Variants in RUNX1T1 observed in about 807,000 individuals in gnomAD.
The protein encoded by RUNX1T1 is protein CBFA2T1.
In RUNX1T1, 4 loss-of-function variants were observed where a neutral mutation model predicts 62.8. That is an observed-to-expected ratio of 0.06 (90% CI 0.03 to 0.15). The LOEUF (loss-of-function observed/expected upper bound fraction) is 0.15. Among genes scored for constraint, RUNX1T1 ranks in the 10% least tolerant of loss-of-function variants. The pLI is 1.00. For missense variants in RUNX1T1, 508 were observed against 754.3 expected (o/e 0.67, Z 3.82); for synonymous variants, 291 against 286.0 (o/e 1.02, Z -0.18).
intron 1 of RUNX1T1, among the ~76,000 whole-genome samples, chr8:92,028,757 C>T (rs934688694): frequency 1.3e-5 from 2 of 152,174 alleles, no homozygotes; most frequent in African/African-American, 4.8e-5. Flanking sequence ...AGTCACTCCT[C>T]CTTGTCCAAA....
At chr8:92,063,349 A>G (rs1832375041), upstream of RUNX1T1, among the ~76,000 whole-genome samples, 1 of 152,172 alleles carries the variant, frequency 6.6e-6, no homozygotes, top group Non-Finnish European at 1.5e-5. Flanking sequence ...GATATGCTCC[A>G]AACATTTTCA....
At chr8:91,994,759 CTTA>C (rs937232719) in intron 5 of RUNX1T1, 74 of 323,774 alleles carry the variant, frequency 2.3e-4, no homozygotes, top group Admixed American at 9.3e-4. Flanking sequence ...GAACCCACTT[CTTA>C]TTATTTGTTT....
chr8:92,041,160 A>C (rs1828369985), intron 1 of RUNX1T1, among the ~76,000 whole-genome samples: 1 of 152,236 alleles, frequency 6.6e-6, no homozygotes. Context: ...TCAGGTGAAA[A>C]AACTGAGCTT....
At chr8:91,976,574 CAG>C (rs1563647722) in intron 8 of RUNX1T1, among the ~76,000 whole-genome samples, 1 of 152,176 alleles carries the variant, frequency 6.6e-6, no homozygotes, top group African/African-American at 2.4e-5. Context: ...TTCTGTTGAG[CAG>C]AGAGAATTAG....
At chr8:91,992,050 CTG>C (rs1454437557) in intron 5 of RUNX1T1, among the ~76,000 whole-genome samples, 161 bp from the exon 7 acceptor site, 1 of 152,176 alleles carries the variant, frequency 6.6e-6, no homozygotes, top group African/African-American at 2.4e-5. Flanking sequence ...TCACTGAGAC[CTG>C]TGTCGAGACC....
chr8:91,998,570 T>G (rs1424919532), intron 5 of RUNX1T1, among the ~76,000 whole-genome samples: 1 of 152,194 alleles, frequency 6.6e-6, no homozygotes, highest in Non-Finnish European at 1.5e-5. Context: ...GATTGCAATA[T>G]GCAGGTTGGG....
intron 8 of RUNX1T1, among the ~76,000 whole-genome samples, chr8:91,983,306 C>T (rs1028352324): frequency 2.6e-5 from 4 of 152,074 alleles, no homozygotes; most frequent in African/African-American, 7.2e-5. Context: ...TCACTCAATA[C>T]TACAGATATA....
rs116897652 is a variant in RUNX1T1 at position 92,040,731 on chromosome 8, T to C, written c.7+21815A>G. Reference sequence around the variant, plus strand: ...CGTCAGGGTGAAATACAATTACTGCTAGAAATATTTATAATGTAATTTTTT... The same window carrying C: ...CGTCAGGGTGAAATACAATTACTGCCAGAAATATTTATAATGTAATTTTTT... On this transcript the variant is annotated intron_variant, in intron 1 of 10. Transcript: ENST00000396218. Among the ~76,000 whole-genome samples the C allele has an allele frequency of 2.4e-4, 37 of 152,284 alleles. 1 individual carries two copies. The East Asian group carries it at 6.6e-3, about 27-fold the overall frequency.
intron 5 of RUNX1T1, among the ~76,000 whole-genome samples, chr8:91,995,744 A>G (rs890737677): frequency 1.3e-5 from 2 of 152,048 alleles, no homozygotes; most frequent in Non-Finnish European, 2.9e-5. Flanking sequence ...CCATGATCAC[A>G]CCACTGCACT....
Position 92,035,164 on chromosome 8 carries a change from G to A in RUNX1T1, c.8-17801C>T, listed in dbSNP as rs575698905. On this transcript the variant is annotated intron_variant, in intron 1 of 10. Coordinates refer to ENST00000396218, the Ensembl canonical transcript of RUNX1T1. ...ATAAAAATTAGCTGGGTGTGATGGC[G>A]GGCACCTGTAATCCCAGCTACTTGG... 3.4e-4 allele frequency among the ~76,000 whole-genome samples: 52 copies of A among 151,936 alleles called. No individual in the cohort carries two copies. The South Asian group carries it at 4.0e-3, about 12-fold the overall frequency.
chr8:92,060,551 A>ATGTGTGTGTGTGTG (rs1239294685), intron 1 of RUNX1T1, among the ~76,000 whole-genome samples: 9 of 95,324 alleles, frequency 9.4e-5, no homozygotes, highest in African/African-American at 2.3e-4. Flanking sequence ...ATATATATAT[A>ATGTGTGTGTGTGTG]TATGTGTGTG....
intron 5 of RUNX1T1, among the ~76,000 whole-genome samples, chr8:91,997,038 A>C (rs1818841388): frequency 6.6e-6 from 1 of 152,068 alleles, no homozygotes; most frequent in Non-Finnish European, 1.5e-5. Flanking sequence ...GAAGCAAAAA[A>C]ATCACTTGAA....
At position 91,997,998 on chromosome 8, in the gene RUNX1T1, G is replaced by A. The variant is rs567412196; in HGVS notation, c.660-6109C>T. On this transcript the variant is annotated intron_variant, in intron 5 of 10. Coordinates refer to ENST00000396218, the Ensembl canonical transcript of RUNX1T1. ...TCTTAGGAAGGTAGTTCTATTAAAC[G>A]CAGACCAAAGACATTAATAACATCA... is the stretch of plus-strand genomic sequence containing the variant. Among the ~76,000 whole-genome samples, 9 of 152,198 alleles carry A rather than the reference G, an allele frequency of 5.9e-5. No homozygotes were observed. The South Asian group carries it at 1.7e-3, about 28-fold the overall frequency.
intron 3 of RUNX1T1, among the ~76,000 whole-genome samples, chr8:92,013,247 C>G (rs188221617): frequency 3.7e-4 from 56 of 152,220 alleles, no homozygotes; most frequent in African/African-American, 1.3e-3. Flanking sequence ...CTGAAGTATG[C>G]CAACACACCT....
At chr8:91,957,116 A>G (rs957329601), downstream of RUNX1T1, 1 of 216,906 alleles carries the variant, frequency 4.6e-6, no homozygotes, top group Non-Finnish European at 9.3e-6. Flanking sequence ...CCACCATTCA[A>G]TTCTATCCAA....
At chr8:91,967,553 C>T (rs758424266) in intron 10 of RUNX1T1, among the ~76,000 whole-genome samples, 1 of 152,058 alleles carries the variant, frequency 6.6e-6, no homozygotes, top group Non-Finnish European at 1.5e-5. Context: ...TCATTAGCTC[C>T]GTTTTATACA....
intron 6 of RUNX1T1, among the ~76,000 whole-genome samples, chr8:91,990,642 C>G (rs1484489284): frequency 6.9e-6 from 1 of 144,062 alleles, no homozygotes; most frequent in Non-Finnish European, 1.5e-5. Context: ...AAATGCTTTA[C>G]TACTTTTTTT....
intron 1 of RUNX1T1, among the ~76,000 whole-genome samples, chr8:92,089,401 T>C (rs770011820): frequency 6.6e-6 from 1 of 152,188 alleles, no homozygotes; most frequent in South Asian, 2.1e-4. Context: ...TGAGATCTGA[T>C]TCCTAGCCAG....
At chr8:92,016,629 C>T (rs1032425315) in intron 2 of RUNX1T1, among the ~76,000 whole-genome samples, 2 of 152,068 alleles carry the variant, frequency 1.3e-5, no homozygotes, top group African/African-American at 2.4e-5. Flanking sequence ...GAGCTGAGAT[C>T]GTGCCACTGC....
Sources: allele counts gnomAD v4.1 joint callset (sites outside exome capture counted in the v4.1 genomes callset), GRCh38; gene constraint gnomAD v4.1.1; transcripts MANE v1.5; gene names NCBI Gene and HGNC (gene_info 2026-07-23, HGNC 2026-07-21).